The following COL24A1 variants were observed in gnomAD, a reference collection of about 807,000 sequenced individuals.
The protein encoded by COL24A1 is collagen alpha-1(XXIV) chain.
COL24A1 carries 224 observed loss-of-function variants against 253.9 expected under a neutral mutation model. The observed-to-expected ratio is 0.88, with a 90% CI of 0.79 to 0.99. COL24A1 has a LOEUF of 0.99. Ranked by LOEUF, COL24A1 falls within the 50% of genes least tolerant of loss-of-function variation. COL24A1 has a pLI of 0.00. For missense variants in COL24A1, 2,131 were observed against 2,068.5 expected (o/e 1.03, Z -0.59); for synonymous variants, 685 against 673.7 (o/e 1.02, Z -0.26).
At position 85,816,975 on chromosome 1, in the gene COL24A1, T is replaced by C. The variant is rs976909211; in HGVS notation, c.3844-80A>G. The C allele has an allele frequency of 2.8e-6, 3 of 1,054,792 alleles. No individual in the cohort carries two copies. In the Admixed American group the frequency reaches 6.6e-5, roughly 23 times the overall value. 65.3% of individuals were successfully genotyped at this position (1,054,792 alleles called of 1,614,324 possible). A position where few individuals can be genotyped will look rare whatever the true frequency, so the allele number is the denominator to read the frequency against. On this transcript the variant is annotated intron_variant, in intron 46 of 59. Transcript: ENST00000370571. ...ACAAATACTTTTTTATTTATTGAGC[T>C]GGAGAAGTTTACATTTTTATATTTT... is the stretch of plus-strand genomic sequence containing the variant.
chr1:85,787,761 G>A (rs12753056), intron 47 of COL24A1, among the ~76,000 whole-genome samples: 57,712 of 151,824 alleles, frequency 0.38, 12,351 homozygotes, highest in Non-Finnish European at 0.49. Context: ...TGGTATTTCT[G>A]GTATTCCTGG....
chr1:85,779,200 C>T (rs914310062), intron 52 of COL24A1, among the ~76,000 whole-genome samples: 1 of 151,824 alleles, frequency 6.6e-6, no homozygotes, highest in African/African-American at 2.4e-5. Context: ...GGGGGTCTCA[C>T]TATGTTGCCC....
At chr1:86,075,877 A>G (rs1469640866) in intron 7 of COL24A1, among the ~76,000 whole-genome samples, 1 of 152,228 alleles carries the variant, frequency 6.6e-6, no homozygotes, top group East Asian at 1.9e-4. Context: ...TCAACTAGAT[A>G]TTGATGGAAT....
At chr1:86,059,044 T>C in intron 9 of COL24A1, 77 bp downstream of exon 9, 1 of 893,140 alleles carries the variant, frequency 1.1e-6, no homozygotes, top group Non-Finnish European at 1.7e-6. Flanking sequence ...TATTTGAACA[T>C]TAATTCTCAA....
At chr1:85,798,995 C>A (rs1406683633) in intron 47 of COL24A1, among the ~76,000 whole-genome samples, 3 of 152,052 alleles carry the variant, frequency 2.0e-5, no homozygotes, top group African/African-American at 7.2e-5. Flanking sequence ...TATGCTTGTA[C>A]AGAAGTTGAA....
chr1:85,964,331 T>C (rs929511162), intron 23 of COL24A1, among the ~76,000 whole-genome samples: 2 of 152,172 alleles, frequency 1.3e-5, no homozygotes, highest in Non-Finnish European at 2.9e-5. Context: ...TAGTGAGAGA[T>C]ATATCTTTTT....
At chr1:85,959,818 A>G (rs1365976053) in intron 24 of COL24A1, among the ~76,000 whole-genome samples, 2 of 152,180 alleles carry the variant, frequency 1.3e-5, no homozygotes, top group Admixed American at 1.3e-4. Context: ...AATATGTAAG[A>G]TATTACTTTA....
intron 45 of COL24A1, among the ~76,000 whole-genome samples, chr1:85,820,912 A>G (rs1373899967): frequency 6.6e-6 from 1 of 152,234 alleles, no homozygotes; most frequent in African/African-American, 2.4e-5. Context: ...CAACGTTAAT[A>G]CAAACGCTTG....
intron 47 of COL24A1, among the ~76,000 whole-genome samples, chr1:85,814,614 A>G (rs1005117727): frequency 6.6e-6 from 1 of 152,218 alleles, no homozygotes; most frequent in African/African-American, 2.4e-5. Flanking sequence ...CAGGCAATTC[A>G]GATTTCCATA....
At chr1:85,833,582 C>G (rs1262861986) in intron 43 of COL24A1, among the ~76,000 whole-genome samples, 2 of 152,102 alleles carry the variant, frequency 1.3e-5, no homozygotes, top group South Asian at 2.1e-4. Flanking sequence ...TCTAGAACTA[C>G]AAATACCACT....
chr1:85,882,360 G>C (rs1681951220), intron 32 of COL24A1, among the ~76,000 whole-genome samples: 1 of 151,828 alleles, frequency 6.6e-6, no homozygotes, highest in African/African-American at 2.4e-5. Context: ...GCTACTTGGA[G>C]AGGCTGAGGA....
intron 43 of COL24A1, among the ~76,000 whole-genome samples, chr1:85,827,656 G>A (rs967433171): frequency 3.3e-5 from 5 of 151,912 alleles, no homozygotes; most frequent in South Asian, 2.1e-4. Flanking sequence ...GTCTTGGGAG[G>A]GTGTATGTGT....
At chr1:85,779,221 C>G (rs1668908363) in intron 52 of COL24A1, among the ~76,000 whole-genome samples, 1 of 152,038 alleles carries the variant, frequency 6.6e-6, no homozygotes, top group Non-Finnish European at 1.5e-5. Context: ...AGGCTGTGTT[C>G]CAATTTCTTA....
At chr1:85,888,320 C>A (rs1174538911) in intron 32 of COL24A1, among the ~76,000 whole-genome samples, 1 of 151,130 alleles carries the variant, frequency 6.6e-6, no homozygotes, top group East Asian at 1.9e-4. Flanking sequence ...TAAAGCTAGC[C>A]CGAGCCCTTT....
At chr1:85,855,991 A>C (rs934045726) in intron 37 of COL24A1, among the ~76,000 whole-genome samples, 1 of 152,214 alleles carries the variant, frequency 6.6e-6, no homozygotes, top group Admixed American at 6.5e-5. Flanking sequence ...AGAGGTGTTC[A>C]TAATAGTCTC....
intron 32 of COL24A1, among the ~76,000 whole-genome samples, 164 bp from the exon 33 acceptor site, chr1:85,877,339 A>C (rs1408669164): frequency 1.3e-5 from 2 of 152,188 alleles, no homozygotes; most frequent in African/African-American, 2.4e-5. Flanking sequence ...ACAAAATTAT[A>C]TCTTTAATTG....
intron 43 of COL24A1, among the ~76,000 whole-genome samples, chr1:85,830,037 T>C (rs1451433275): frequency 1.3e-5 from 2 of 152,042 alleles, no homozygotes; most frequent in Admixed American, 6.6e-5. Flanking sequence ...CTCTGTTTTT[T>C]CCCCATCTTT....
chr1:85,987,564 C>G (rs1222106986), intron 20 of COL24A1, 37 bp downstream of exon 20: 1 of 1,566,384 alleles, frequency 6.4e-7, no homozygotes, highest in East Asian at 2.2e-5. Context: ...TCTAGATAAC[C>G]ATAATTGTTT....
chr1:85,783,999 T>C lies in COL24A1; in HGVS notation c.4221+114A>G, dbSNP rs544340971. On this transcript the variant is annotated intron_variant, in intron 50 of 59. Transcript: ENST00000370571. ...TATTCGAAACTCAAATATATAAATA[T>C]GTACCAACTGAAATTTTACAGATTT... is the stretch of plus-strand genomic sequence containing the variant. The C allele has an allele frequency of 9.9e-4, 721 of 731,308 alleles. 6 individuals are homozygous for C. Among genetic ancestry groups the C allele is most frequent in the Non-Finnish European group, 1.0e-4 (45 of 449,254 alleles). The allele number at this position is 731,308 out of a possible 1,614,324, so 45.3% of individuals were successfully genotyped here.
Sources: allele counts gnomAD v4.1 joint callset (sites outside exome capture counted in the v4.1 genomes callset), GRCh38; gene constraint gnomAD v4.1.1; transcripts MANE v1.5; gene names NCBI Gene and HGNC (gene_info 2026-07-23, HGNC 2026-07-21).